CHD1L: variants seen among roughly 807,000 people sequenced by gnomAD.
CHD1L encodes the protein chromodomain helicase DNA binding protein 1 like.
In CHD1L, 118 loss-of-function variants were observed where a neutral mutation model predicts 115.9. The ratio of observed to expected loss-of-function variants is 1.02; its 90% CI spans 0.88 to 1.19. The LOEUF is 1.19. Among genes scored for constraint, CHD1L ranks in the 50% most tolerant of loss-of-function variants. The pLI is 0.00. For missense variants in CHD1L, 1,179 were observed against 1,065.3 expected, an observed-to-expected ratio of 1.11 and a Z score of -1.49; for synonymous variants, 411 against 387.1, an observed-to-expected ratio of 1.06 and a Z score of -0.72.
intron 1 of CHD1L, among the ~76,000 whole-genome samples, chr1:147,246,177 T>C (rs1428687763): frequency 6.6e-6 from 1 of 152,208 alleles, no homozygotes; most frequent in Non-Finnish European, 1.5e-5. Context: ...ACTGGCTTTT[T>C]TTCACTCAGA....
intron 15 of CHD1L, 42 bp from the exon 16 acceptor site, chr1:147,284,309 C>T (rs376712905): frequency 1.6e-5 from 23 of 1,457,226 alleles, no homozygotes; most frequent in Admixed American, 2.3e-5. Context: ...TCTATTTTTC[C>T]TTGGTATCTA....
the CHD1L span, chr1:147,204,760 TTGA>T: frequency 6.5e-7 from 1 of 1,548,812 alleles, no homozygotes; most frequent in South Asian, 1.1e-5. Context: ...CTCCAAGTGG[TTGA>T]TAACCATTTT....
At chr1:147,265,148 G>A (rs1553947055) in intron 7 of CHD1L, among the ~76,000 whole-genome samples, 19 of 152,142 alleles carry the variant, frequency 1.2e-4, no homozygotes. Context: ...AAACAGGTAG[G>A]AGGTATGCCA....
At chr1:147,288,015 C>A (rs1203193048) in intron 19 of CHD1L, among the ~76,000 whole-genome samples, 1 of 152,084 alleles carries the variant, frequency 6.6e-6, no homozygotes, top group East Asian at 1.9e-4. Flanking sequence ...AAATGTTGAT[C>A]CCTGCATACA....
At chr1:147,195,716 G>A in the CHD1L span, among the ~76,000 whole-genome samples, 2 of 152,104 alleles carry the variant, frequency 1.3e-5, no homozygotes, top group Admixed American at 6.5e-5. Flanking sequence ...ATGCCATGTA[G>A]AAGATTTTGG....
chr1:147,218,045 C>G, the CHD1L span, among the ~76,000 whole-genome samples: 2 of 152,118 alleles, frequency 1.3e-5, no homozygotes, highest in East Asian at 3.8e-4. Context: ...TAAAATACAT[C>G]AACATTTATC....
At chr1:147,276,777 G>A (rs1430924823) in intron 14 of CHD1L, among the ~76,000 whole-genome samples, 3 of 152,190 alleles carry the variant, frequency 2.0e-5, no homozygotes, top group African/African-American at 7.2e-5. Flanking sequence ...GAAGATTTTA[G>A]AGCTCTCTTT....
Position 147,284,557 on chromosome 1 carries a change from C to CAAACA in CHD1L, c.1854+61_1854+62insCAAAA. The CAAACA allele has an allele frequency of 2.8e-6, 4 of 1,422,344 alleles. No homozygotes were observed. In the South Asian group the frequency reaches 4.6e-5, roughly 16 times the overall value. 88.1% of individuals were successfully genotyped at this position (1,422,344 alleles called of 1,614,324 possible). On this transcript the variant is annotated intron_variant, in intron 16 of 22. Coordinates refer to ENST00000369258, the MANE Select transcript of CHD1L (RefSeq NM_004284.6). ...TTCCAAACTCTCATTCTAAAACAAA[C>CAAACA]AAAAAAATGATGCTGGCATCGTTTT...
chr1:147,226,931 C>A, the CHD1L span, among the ~76,000 whole-genome samples: 1 of 151,762 alleles, frequency 6.6e-6, no homozygotes, highest in East Asian at 1.9e-4. Flanking sequence ...CTCCTGGGCT[C>A]AATCTACCCT....
intron 19 of CHD1L, among the ~76,000 whole-genome samples, chr1:147,287,995 G>A (rs757633793): frequency 6.6e-6 from 1 of 152,146 alleles, no homozygotes; most frequent in African/African-American, 2.4e-5. Flanking sequence ...ATAAATGTGT[G>A]TATTCTGAAA....
At chr1:147,256,696 G>A (rs1670279566) in intron 5 of CHD1L, 134 bp downstream of exon 5, 8 of 773,458 alleles carry the variant, frequency 1.0e-5, no homozygotes, top group South Asian at 1.7e-5. Flanking sequence ...TGGGTAGGCG[G>A]CATGGTGGGA....
chr1:147,243,370 G>GTT (rs1468224618), intron 1 of CHD1L, among the ~76,000 whole-genome samples: 1 of 151,760 alleles, frequency 6.6e-6, no homozygotes, highest in Non-Finnish European at 1.5e-5. Context: ...GCAAAGCACT[G>GTT]TTTATGAAGC....
the CHD1L span, among the ~76,000 whole-genome samples, chr1:147,216,538 TGTATATGAAAC>T: frequency 6.6e-6 from 1 of 152,208 alleles, no homozygotes; most frequent in East Asian, 1.9e-4. Flanking sequence ...AGTGTTAAAA[TGTATATGAAAC>T]TCCTTGCAAT....
At chr1:147,275,554 T>A in intron 13 of CHD1L, 86 bp downstream of exon 13, 1 of 1,046,870 alleles carries the variant, frequency 9.6e-7, no homozygotes, top group African/African-American at 1.6e-5. Context: ...CTGGTGACAG[T>A]CCCACACTGG....
At chr1:147,230,052 T>C in the CHD1L span, among the ~76,000 whole-genome samples, 1 of 101,326 alleles carries the variant, frequency 9.9e-6, no homozygotes, top group Non-Finnish European at 1.8e-5. Context: ...ATATGTTGAA[T>C]AGGAGTGGTG....
In CHD1L at chr1:147,258,114, GATTT is replaced by G. The variant is rs587606764; in HGVS notation, c.494+1556_494+1559del. Among the ~76,000 whole-genome samples the G allele has an allele frequency of 2.6e-3, 393 of 152,278 alleles. 1 individual carries two copies. Among genetic ancestry groups the G allele is most frequent in the Non-Finnish European group, 4.3e-3 (294 of 68,028 alleles). ...TGTAATATCATCTCTGCCCTAAAGA[GATTT>G]ATTATGGAGAGTTAAGGCTGTGCAT... On this transcript the variant is annotated intron_variant, in intron 5 of 22. Coordinates refer to ENST00000369258, the MANE Select transcript of CHD1L (RefSeq NM_004284.6).
At chr1:147,229,503 G>A in the CHD1L span, among the ~76,000 whole-genome samples, 2 of 151,806 alleles carry the variant, frequency 1.3e-5, no homozygotes, top group African/African-American at 2.4e-5. Flanking sequence ...CTCTTTTTTG[G>A]TTCCATATGA....
At chr1:147,241,100 C>T (rs1292275826), upstream of CHD1L, among the ~76,000 whole-genome samples, 1 of 152,104 alleles carries the variant, frequency 6.6e-6, no homozygotes, top group Non-Finnish European at 1.5e-5. Context: ...TTGTCTCCTC[C>T]TTTTAAAATG....
the CHD1L span, among the ~76,000 whole-genome samples, chr1:147,182,332 A>G: frequency 6.6e-6 from 1 of 152,212 alleles, no homozygotes; most frequent in Admixed American, 6.5e-5. Flanking sequence ...TAGAATGTCC[A>G]TATAATGGCT....
Sources: gnomAD v4.1 joint callset for allele counts (sites outside exome capture counted in the v4.1 genomes callset) on GRCh38, gnomAD v4.1.1 for gene constraint, MANE v1.5 for transcripts, NCBI Gene and HGNC (gene_info 2026-07-23, HGNC 2026-07-21) for gene names.